ZFHX3: variants seen among roughly 807,000 people sequenced by gnomAD.
The protein encoded by ZFHX3 is zinc finger homeobox 3.
A neutral mutation model predicts 279.1 loss-of-function variants in ZFHX3; 42 were observed. That is an observed-to-expected ratio of 0.15 (90% CI 0.12 to 0.19). The LOEUF is 0.19. Among genes scored for constraint, ZFHX3 ranks in the 10% least tolerant of loss-of-function variants. The probability of loss-of-function intolerance (pLI) is 1.00; values close to 1 mark genes in which losing one functional copy is unlikely to be tolerated. For synonymous variants in ZFHX3, 2,293 were observed against 1,957.8 expected (o/e 1.17, Z -4.52); for missense variants, 4,981 against 4,754.0 (o/e 1.05, Z -1.40).
chr16:72,904,419 TAAAA>T (rs1200610876), intron 3 of ZFHX3, among the ~76,000 whole-genome samples: 3 of 139,082 alleles, frequency 2.2e-5, no homozygotes, highest in East Asian at 4.0e-4. Flanking sequence ...AATAAATAAA[TAAAA>T]ATTGTGGGCT....
At chr16:73,709,356 GAGA>G in intron 1 of ZFHX3, among the ~76,000 whole-genome samples, 1 of 151,424 alleles carries the variant, frequency 6.6e-6, no homozygotes, top group South Asian at 2.1e-4. Context: ...CAGAGAGAGA[GAGA>G]GAGAGAGAGA....
At chr16:73,398,356 T>C (rs184341361) in intron 3 of ZFHX3, among the ~76,000 whole-genome samples, 134 of 152,280 alleles carry the variant, frequency 8.8e-4, no homozygotes, top group Middle Eastern at 3.4e-3. Context: ...AGGCATCTTC[T>C]CACCAGTGTC....
At chr16:72,990,061 T>G (rs1453161965) in intron 1 of ZFHX3, among the ~76,000 whole-genome samples, 2 of 151,996 alleles carry the variant, frequency 1.3e-5, no homozygotes, top group Non-Finnish European at 2.9e-5. Flanking sequence ...AAGGTTTGGG[T>G]TTTTTTCCCC....
At chr16:73,611,440 A>G (rs1192817870) in intron 2 of ZFHX3, among the ~76,000 whole-genome samples, 1 of 152,250 alleles carries the variant, frequency 6.6e-6, no homozygotes, top group Non-Finnish European at 1.5e-5. Flanking sequence ...CTCATTAATT[A>G]TCTTTTCTAT....
intron 1 of ZFHX3, among the ~76,000 whole-genome samples, chr16:73,854,530 A>G (rs1961670527): frequency 6.6e-6 from 1 of 152,152 alleles, no homozygotes; most frequent in South Asian, 2.1e-4. Context: ...TCATAAGAAG[A>G]AAAGTACACA....
intron 2 of ZFHX3, among the ~76,000 whole-genome samples, chr16:72,954,956 A>G (rs796656951): frequency 4.0e-4 from 61 of 152,336 alleles, no homozygotes; most frequent in African/African-American, 1.4e-3. Context: ...AATAACACCT[A>G]CAGCCATCTT....
At chr16:73,088,965 G>A (rs184427087) in intron 8 of ZFHX3, among the ~76,000 whole-genome samples, 7 of 152,284 alleles carry the variant, frequency 4.6e-5, no homozygotes, top group Admixed American at 2.0e-4. Context: ...GGCACAGCTC[G>A]TTGAAGGCCT....
intron 7 of ZFHX3, among the ~76,000 whole-genome samples, chr16:73,107,095 T>A (rs1176990222): frequency 1.2e-4 from 18 of 152,182 alleles, no homozygotes; most frequent in Non-Finnish European, 4.4e-5. Context: ...GGCAGGCAGA[T>A]CACTTGAGGT....
intron 3 of ZFHX3, among the ~76,000 whole-genome samples, chr16:73,413,173 A>G (rs761395514): frequency 2.3e-4 from 35 of 152,242 alleles, no homozygotes; most frequent in Non-Finnish European, 4.4e-4. Context: ...TATGAAGAAG[A>G]TGGTTTGGAA....
chr16:73,564,265 C>T (rs556874832), intron 2 of ZFHX3, among the ~76,000 whole-genome samples: 1 of 152,274 alleles, frequency 6.6e-6, no homozygotes, highest in African/African-American at 2.4e-5. Context: ...CTCTGCATAA[C>T]CCCAGGTGCC....
At chr16:73,842,318 T>C (rs189793680) in intron 1 of ZFHX3, among the ~76,000 whole-genome samples, 5 of 152,154 alleles carry the variant, frequency 3.3e-5, no homozygotes, top group Admixed American at 2.6e-4. Context: ...AAATGGTGGC[T>C]GAGAAAGGGT....
chr16:72,794,549 C>T lies in ZFHX3; in HGVS notation c.8133G>A (p.Arg2711=). The T allele has an allele frequency of 3.1e-6, 5 of 1,614,226 alleles. No homozygotes were observed. Among genetic ancestry groups the T allele is most frequent in the Non-Finnish European group, 4.2e-6 (5 of 1,180,048 alleles). Residue 2711 remains arginine, a synonymous_variant, in exon 9 of 10, where the codon AGG becomes AGA. Coordinates refer to ENST00000268489, the MANE Select transcript of ZFHX3 (RefSeq NM_006885.4). The surrounding 1 kb of genome is among the most constrained non-coding windows in gnomAD (Gnocchi z 4.2). ...FRAVGPAQAH[R]RCPFCRALFK... ...AGAGCGCTCTGCAAAAAGGGCATCT[C>T]CTGTGGGCCTGCGCTGGGCCTACAG...
At chr16:73,805,658 G>A (rs995895498) in intron 1 of ZFHX3, among the ~76,000 whole-genome samples, 7 of 152,224 alleles carry the variant, frequency 4.6e-5, no homozygotes, top group African/African-American at 1.7e-4. Context: ...CACCAATGAT[G>A]TACAGGGCAC....
intron 4 of ZFHX3, among the ~76,000 whole-genome samples, chr16:73,285,965 T>C (rs948434749): frequency 2.0e-5 from 3 of 152,268 alleles, no homozygotes; most frequent in Admixed American, 1.3e-4. Flanking sequence ...AAAACACATA[T>C]TGCTTTTGTA....
At chr16:73,088,957 C>T (rs1365289166) in intron 8 of ZFHX3, among the ~76,000 whole-genome samples, 1 of 152,184 alleles carries the variant, frequency 6.6e-6, no homozygotes, top group East Asian at 1.9e-4. Flanking sequence ...GGCAGAAAGG[C>T]ACAGCTCGTT....
intron 3 of ZFHX3, among the ~76,000 whole-genome samples, chr16:73,331,874 C>T (rs1005451593): frequency 3.9e-5 from 6 of 152,062 alleles, no homozygotes; most frequent in South Asian, 2.1e-4. Flanking sequence ...TTTCATCTGC[C>T]GTAGTATCCT....
intron 5 of ZFHX3, among the ~76,000 whole-genome samples, chr16:73,255,404 G>A (rs1171989293): frequency 6.6e-6 from 1 of 152,182 alleles, no homozygotes; most frequent in African/African-American, 2.4e-5. Flanking sequence ...TGTATGGAAT[G>A]CTCTTTATGG....
At chr16:73,739,928 T>C (rs2053640421) in intron 1 of ZFHX3, among the ~76,000 whole-genome samples, 2 of 152,156 alleles carry the variant, frequency 1.3e-5, no homozygotes, top group South Asian at 2.1e-4. Flanking sequence ...CCACTCTGTA[T>C]TTTTAACTGC....
chr16:73,519,957 GT>G (rs2019585076), intron 2 of ZFHX3, among the ~76,000 whole-genome samples: 1 of 152,086 alleles, frequency 6.6e-6, no homozygotes, highest in Admixed American at 6.5e-5. Context: ...ACTTATGCCT[GT>G]TTTTTTAGAA....
Sources: allele counts gnomAD v4.1 joint callset (sites outside exome capture counted in the v4.1 genomes callset), GRCh38; gene constraint gnomAD v4.1.1; non-coding constraint Gnocchi (gnomAD v3.1); transcripts MANE v1.5; gene names NCBI Gene and HGNC (gene_info 2026-07-23, HGNC 2026-07-21).